The following NPFFR2 variants were observed in gnomAD, a reference collection of about 807,000 sequenced individuals.
The protein encoded by NPFFR2 is neuropeptide FF receptor 2, also known as G-protein coupled receptor 74.
Under a neutral mutation model 13.1 loss-of-function variants are expected in NPFFR2, and 15 were observed. The ratio of observed to expected loss-of-function variants is 1.15; its 90% CI spans 0.77 to 1.76. NPFFR2 has a LOEUF of 1.76. Ranked by LOEUF, NPFFR2 falls within the 40% of genes most tolerant of loss-of-function variation. The probability of loss-of-function intolerance (pLI) is 0.00; values close to 1 mark genes in which losing one functional copy is unlikely to be tolerated. For missense variants in NPFFR2, 572 were observed against 503.5 expected (o/e 1.14, Z -1.30); for synonymous variants, 190 against 175.7 (o/e 1.08, Z -0.65).
Position 72,032,066 on chromosome 4 carries a change from G to T in NPFFR2, c.-142G>T, listed in dbSNP as rs964145682. ...GCCTGGAGTGGAGCAGGCAGTCCGC[G>T]GGGGACAGACGTCGGCTGGGATTGA... is the stretch of plus-strand genomic sequence containing the variant. On this transcript the variant is annotated 5_prime_UTR_variant, in exon 1 of 4. Coordinates refer to ENST00000308744, the MANE Select transcript of NPFFR2 (RefSeq NM_004885.3). 1.2e-6 allele frequency: 2 copies of T among 1,614,058 alleles called. No homozygotes were observed. Among genetic ancestry groups the T allele is most frequent in the Non-Finnish European group, 8.5e-7 (1 of 1,179,976 alleles).
chr4:72,140,565 T>C (rs952246562), intron 3 of NPFFR2, among the ~76,000 whole-genome samples: 11 of 152,228 alleles, frequency 7.2e-5, no homozygotes, highest in Non-Finnish European at 1.2e-4. Flanking sequence ...TTACATTTAT[T>C]GATTTGCATA....
chr4:72,083,650 G>A (rs1378431051), intron 1 of NPFFR2, among the ~76,000 whole-genome samples: 1 of 151,966 alleles, frequency 6.6e-6, no homozygotes, highest in Admixed American at 6.6e-5. Flanking sequence ...GCTTGACTCT[G>A]GGCCCCTCTC....
chr4:72,061,475 C>T (rs1474253374), intron 1 of NPFFR2, among the ~76,000 whole-genome samples: 4 of 152,162 alleles, frequency 2.6e-5, no homozygotes, highest in Non-Finnish European at 5.9e-5. Flanking sequence ...GAGCCAGGTT[C>T]CTCCACCTAC....
chr4:72,139,724 T>A (rs1722537304), intron 3 of NPFFR2, among the ~76,000 whole-genome samples: 1 of 152,214 alleles, frequency 6.6e-6, no homozygotes, highest in South Asian at 2.1e-4. Flanking sequence ...TGGCTTAGGA[T>A]TATCTTGGCA....
chr4:72,125,973 A>C (rs1053337295), intron 1 of NPFFR2, among the ~76,000 whole-genome samples: 2 of 152,246 alleles, frequency 1.3e-5, no homozygotes, highest in Admixed American at 1.3e-4. Context: ...AAGGACAATA[A>C]GCATTCATTC....
At chr4:72,062,840 G>A (rs1479201403) in intron 1 of NPFFR2, among the ~76,000 whole-genome samples, 2 of 152,130 alleles carry the variant, frequency 1.3e-5, no homozygotes, top group Non-Finnish European at 2.9e-5. Flanking sequence ...TGTGAGAGAG[G>A]CCAGTTGAAA....
At chr4:72,082,926 C>T (rs1396467882) in intron 1 of NPFFR2, among the ~76,000 whole-genome samples, 1 of 151,960 alleles carries the variant, frequency 6.6e-6, no homozygotes, top group African/African-American at 2.4e-5. Flanking sequence ...TCTTTCTGTA[C>T]CCAGCTTATT....
At position 72,127,546 on chromosome 4, in the gene NPFFR2, G is replaced by A. The variant is rs1367175676; in HGVS notation, c.-7-1039G>A. Among the ~76,000 whole-genome samples, 8 of 141,622 alleles carry A rather than the reference G, an allele frequency of 5.6e-5. No individual in the cohort carries two copies. The East Asian group carries it at 1.5e-3, about 27-fold the overall frequency. 92.9% of individuals were successfully genotyped at this position (141,622 alleles called of 152,430 possible). A position where few individuals can be genotyped will look rare whatever the true frequency, so the allele number is the denominator to read the frequency against. On this transcript the variant is annotated intron_variant, in intron 1 of 3. Transcript: ENST00000308744. ...GCCCGGCTAATTTTTTGTATTTTTAGTAGAGACGGGGTTTCACCGTGTTAG... is the reference window on the plus strand; with the variant it reads ...GCCCGGCTAATTTTTTGTATTTTTAATAGAGACGGGGTTTCACCGTGTTAG...
intron 1 of NPFFR2, among the ~76,000 whole-genome samples, chr4:72,099,711 C>T (rs954943610): frequency 3.3e-5 from 5 of 152,152 alleles, no homozygotes; most frequent in African/African-American, 1.2e-4. Flanking sequence ...CCTCCAACAC[C>T]GGGAATTACA....
chr4:72,064,091 A>G (rs1719999428), intron 1 of NPFFR2, among the ~76,000 whole-genome samples: 1 of 152,366 alleles, frequency 6.6e-6, no homozygotes, highest in Non-Finnish European at 1.5e-5. Context: ...TGGATAACCC[A>G]GGACAGAAGA....
At chr4:72,102,786 C>G (rs916991579) in intron 1 of NPFFR2, among the ~76,000 whole-genome samples, 33 of 151,906 alleles carry the variant, frequency 2.2e-4, no homozygotes, top group Non-Finnish European at 3.4e-4. Context: ...GGACATTTGG[C>G]TTGGTTCCAA....
intron 1 of NPFFR2, among the ~76,000 whole-genome samples, chr4:72,108,707 G>T (rs115755309): frequency 0.018 from 2,714 of 151,392 alleles, 86 homozygotes; most frequent in African/African-American, 0.062. Context: ...TACCTAATAG[G>T]GACTATGAAT....
intron 3 of NPFFR2, among the ~76,000 whole-genome samples, chr4:72,144,506 G>A (rs1722719602): frequency 6.6e-6 from 1 of 151,598 alleles, no homozygotes; most frequent in Non-Finnish European, 1.5e-5. Context: ...TTTTTTCAGG[G>A]CTAGCTTTTG....
At chr4:72,089,002 C>T (rs370786659) in intron 1 of NPFFR2, among the ~76,000 whole-genome samples, 30 of 152,128 alleles carry the variant, frequency 2.0e-4, no homozygotes, top group African/African-American at 7.0e-4. Flanking sequence ...TCCACTGAGT[C>T]CTCAAAATCC....
chr4:72,067,079 A>AG, intron 1 of NPFFR2, among the ~76,000 whole-genome samples: 1 of 152,002 alleles, frequency 6.6e-6, no homozygotes, highest in African/African-American at 2.4e-5. Flanking sequence ...ATCCTCTCTG[A>AG]GGGGCGTCCT....
chr4:72,092,383 G>T (rs1039158478), intron 1 of NPFFR2, among the ~76,000 whole-genome samples: 12 of 152,000 alleles, frequency 7.9e-5, no homozygotes, highest in African/African-American at 2.7e-4. Context: ...TAAGTCCATT[G>T]TTTCTTTGTT....
chr4:72,050,279 G>T (rs7687603), intron 1 of NPFFR2, among the ~76,000 whole-genome samples: 41,378 of 151,818 alleles, frequency 0.27, 5,924 homozygotes, highest in Middle Eastern at 0.37. Context: ...AGAAGACAGG[G>T]TACTATATAA....
chr4:72,081,490 T>TG (rs1272168271), intron 1 of NPFFR2, among the ~76,000 whole-genome samples: 2 of 37,968 alleles, frequency 5.3e-5, no homozygotes, highest in Non-Finnish European at 8.7e-5. Context: ...ATTTAAGAAT[T>TG]GTTTTTTTTT....
intron 1 of NPFFR2, among the ~76,000 whole-genome samples, chr4:72,105,398 C>G (rs1440862397): frequency 1.3e-5 from 2 of 151,946 alleles, no homozygotes; most frequent in Non-Finnish European, 2.9e-5. Context: ...CTGGAAATTT[C>G]TATGCACTCT....
Sources: gnomAD v4.1 joint callset for allele counts (sites outside exome capture counted in the v4.1 genomes callset) on GRCh38, gnomAD v4.1.1 for gene constraint, MANE v1.5 for transcripts, NCBI Gene and HGNC (gene_info 2026-07-23, HGNC 2026-07-21) for gene names.